Variants in ST6GALNAC3 observed in about 807,000 individuals in gnomAD.
ST6GALNAC3 encodes the protein alpha-N-acetylgalactosaminide alpha-2,6-sialyltransferase 3.
ST6GALNAC3 carries 25 observed loss-of-function variants against 32.7 expected under a neutral mutation model. The ratio of observed to expected loss-of-function variants is 0.76; its 90% CI spans 0.56 to 1.07. ST6GALNAC3 has a LOEUF of 1.07. Ranked by LOEUF, ST6GALNAC3 falls within the 50% of genes least tolerant of loss-of-function variation. ST6GALNAC3 has a pLI of 0.00. For missense variants in ST6GALNAC3, 355 were observed against 382.4 expected (o/e 0.93, Z 0.60); for synonymous variants, 129 against 133.1 (o/e 0.97, Z 0.21).
chr1:76,256,014 T>C (rs1657897742), intron 1 of ST6GALNAC3, among the ~76,000 whole-genome samples: 1 of 83,612 alleles, frequency 1.2e-5, no homozygotes, highest in South Asian at 2.8e-4. Context: ...CTGTCAGTGG[T>C]AACACACACA....
intron 3 of ST6GALNAC3, among the ~76,000 whole-genome samples, chr1:76,453,061 G>A (rs984039502): frequency 1.2e-4 from 18 of 152,072 alleles, no homozygotes; most frequent in African/African-American, 4.1e-4. Context: ...TCTAGTTTAT[G>A]CGCATAGAAA....
At chr1:76,280,270 A>G (rs1483973694) in intron 1 of ST6GALNAC3, among the ~76,000 whole-genome samples, 1 of 152,220 alleles carries the variant, frequency 6.6e-6, no homozygotes, top group African/African-American at 2.4e-5. Context: ...GTTACTGCTT[A>G]CTTTTTGTTT....
At chr1:76,274,633 TA>T (rs1359096228) in intron 1 of ST6GALNAC3, among the ~76,000 whole-genome samples, 1 of 152,176 alleles carries the variant, frequency 6.6e-6, no homozygotes, top group East Asian at 1.9e-4. Flanking sequence ...CTAAACTTAT[TA>T]AATTCTCATA....
At chr1:76,254,664 G>C (rs1657814476) in intron 1 of ST6GALNAC3, among the ~76,000 whole-genome samples, 1 of 151,758 alleles carries the variant, frequency 6.6e-6, no homozygotes, top group Admixed American at 6.6e-5. Context: ...GCCACTATCT[G>C]CCTGTGAATT....
chr1:76,589,001 TTAGAG>T (rs1647005087), intron 3 of ST6GALNAC3, among the ~76,000 whole-genome samples: 1 of 152,182 alleles, frequency 6.6e-6, no homozygotes, highest in Non-Finnish European at 1.5e-5. Flanking sequence ...TTTAAAGCAC[TTAGAG>T]TAGTTTTTAT....
At chr1:76,181,633 T>C in intron 1 of ST6GALNAC3, among the ~76,000 whole-genome samples, 1 of 152,218 alleles carries the variant, frequency 6.6e-6, no homozygotes, top group Non-Finnish European at 1.5e-5. Context: ...TACCTAGCTA[T>C]TTTTTACATT....
chr1:76,283,275 A>T (rs539730173), intron 1 of ST6GALNAC3, among the ~76,000 whole-genome samples: 1 of 152,268 alleles, frequency 6.6e-6, no homozygotes, highest in East Asian at 1.9e-4. Context: ...AGAAGAAACT[A>T]TGTTTTCTTT....
chr1:76,255,042 T>TG (rs1657842050), intron 1 of ST6GALNAC3, among the ~76,000 whole-genome samples: 1 of 151,656 alleles, frequency 6.6e-6, no homozygotes. Flanking sequence ...TTTTTTTTTT[T>TG]TAAACTGGCC....
intron 2 of ST6GALNAC3, among the ~76,000 whole-genome samples, chr1:76,376,059 A>G (rs1411821201): frequency 6.6e-6 from 1 of 152,076 alleles, no homozygotes; most frequent in East Asian, 1.9e-4. Context: ...GGTAGATGCT[A>G]GACTCTTACT....
chr1:76,377,923 T>G, intron 2 of ST6GALNAC3, among the ~76,000 whole-genome samples: 1 of 152,322 alleles, frequency 6.6e-6, no homozygotes, highest in East Asian at 1.9e-4. Flanking sequence ...TACAATGATA[T>G]GGTGCCATTC....
At chr1:76,466,211 C>T (rs374659108) in intron 3 of ST6GALNAC3, among the ~76,000 whole-genome samples, 3 of 152,196 alleles carry the variant, frequency 2.0e-5, no homozygotes, top group African/African-American at 7.2e-5. Flanking sequence ...GTGATGATGA[C>T]ATAGTCTCAG....
At chr1:76,376,899 A>G (rs1437873186) in intron 2 of ST6GALNAC3, among the ~76,000 whole-genome samples, 1 of 152,090 alleles carries the variant, frequency 6.6e-6, no homozygotes, top group Non-Finnish European at 1.5e-5. Flanking sequence ...TGAGTCTATC[A>G]TTTTGAATAG....
intron 1 of ST6GALNAC3, among the ~76,000 whole-genome samples, chr1:76,280,683 A>G (rs568774056): frequency 6.6e-6 from 1 of 152,334 alleles, no homozygotes; most frequent in South Asian, 2.1e-4. Flanking sequence ...AAATAATGTT[A>G]TGTGCATGGT....
Position 76,313,836 on chromosome 1 carries a change from C to T in ST6GALNAC3, c.50C>T (p.Ala17Val), listed in dbSNP as rs1489323361. The change falls in exon 2 of 5, where the codon GCA becomes GTA. Residue 17 changes from alanine to valine, a missense_variant. By Grantham distance (64) the Ala-to-Val change is moderately conservative (BLOSUM62 0). Coordinates refer to ENST00000328299, the MANE Select transcript of ST6GALNAC3 (RefSeq NM_152996.4). ...TCTGTGATTGCTGTGAGCTTCATAGCAGCGTTCCTTTTCCTGCTGGTTGTG... is the reference window on the plus strand; with the variant it reads ...TCTGTGATTGCTGTGAGCTTCATAGTAGCGTTCCTTTTCCTGCTGGTTGTG... ...RKSVIAVSFI[A>V]AFLFLLVVRL... 3.1e-6 allele frequency: 5 copies of T among 1,613,504 alleles called. No homozygotes were observed. The East Asian group carries it at 6.7e-5, about 22-fold the overall frequency.
At chr1:76,463,000 C>G (rs1286420162) in intron 3 of ST6GALNAC3, among the ~76,000 whole-genome samples, 2 of 152,110 alleles carry the variant, frequency 1.3e-5, no homozygotes, top group Non-Finnish European at 2.9e-5. Flanking sequence ...ACACCCCTTG[C>G]TCTGCTAAAG....
At position 76,631,807 on chromosome 1, in the gene ST6GALNAC3, A is replaced by G. The variant is rs951587595; in HGVS notation, c.*3001A>G. 6.6e-6 allele frequency: 1 copy of G among 152,070 alleles called. No individual in the cohort carries two copies. Among genetic ancestry groups the G allele is most frequent in the African/African-American group, 2.4e-5 (1 of 41,394 alleles). 9.4% of individuals were successfully genotyped at this position (152,070 alleles called of 1,614,324 possible). A position where few individuals can be genotyped will look rare whatever the true frequency, so the allele number is the denominator to read the frequency against. ...TCAAGATAAAAATAATAGACTAAACATTATTTTCTGTTATGCATAATTCTA... is the reference window on the plus strand; with the variant it reads ...TCAAGATAAAAATAATAGACTAAACGTTATTTTCTGTTATGCATAATTCTA... On this transcript the variant is annotated 3_prime_UTR_variant, in exon 5 of 5. Coordinates refer to ENST00000328299, the MANE Select transcript of ST6GALNAC3 (RefSeq NM_152996.4).
At chr1:76,437,904 T>C (rs576494269) in intron 3 of ST6GALNAC3, among the ~76,000 whole-genome samples, 75 of 152,072 alleles carry the variant, frequency 4.9e-4, no homozygotes, top group Middle Eastern at 3.4e-3. Flanking sequence ...TTAATAATAA[T>C]ATTAATCATT....
At chr1:76,135,367 G>C (rs562546085) in intron 1 of ST6GALNAC3, among the ~76,000 whole-genome samples, 1 of 152,052 alleles carries the variant, frequency 6.6e-6, no homozygotes. Context: ...TGTGTGACTT[G>C]CTTTAAAAAT....
At chr1:76,419,300 GA>G (rs1654865891) in intron 3 of ST6GALNAC3, among the ~76,000 whole-genome samples, 1 of 151,774 alleles carries the variant, frequency 6.6e-6, no homozygotes, top group Non-Finnish European at 1.5e-5. Context: ...ATACTGTATA[GA>G]AAAAAAATCC....
Sources: gnomAD v4.1 joint callset for allele counts (sites outside exome capture counted in the v4.1 genomes callset) on GRCh38, gnomAD v4.1.1 for gene constraint, MANE v1.5 for transcripts, NCBI Gene and HGNC (gene_info 2026-07-23, HGNC 2026-07-21) for gene names.